Variants in WDPCP observed in about 807,000 individuals in gnomAD.
WDPCP encodes WD repeat-containing and planar cell polarity effector protein fritz homolog.
A neutral mutation model predicts 93.1 loss-of-function variants in WDPCP; 71 were observed. The observed-to-expected ratio is 0.76, with a 90% CI of 0.63 to 0.93. The LOEUF (loss-of-function observed/expected upper bound fraction) is 0.93. WDPCP is among the 40% of genes least tolerant of loss of function. The pLI is 0.00. For synonymous variants in WDPCP, 315 were observed against 315.0 expected (o/e 1.00, Z 0.00); for missense variants, 844 against 887.4 (o/e 0.95, Z 0.62).
chr2:63,258,370 T>C (rs1038648329), intron 14 of WDPCP, among the ~76,000 whole-genome samples: 1 of 152,188 alleles, frequency 6.6e-6, no homozygotes, highest in Non-Finnish European at 1.5e-5. Flanking sequence ...GGTTTAGAGC[T>C]ACCCTGCTGG....
chr2:63,714,885 A>G (rs1669312717), intron 2 of WDPCP, among the ~76,000 whole-genome samples: 1 of 147,230 alleles, frequency 6.8e-6, no homozygotes, highest in East Asian at 1.9e-4. Context: ...ATAGCAGCAC[A>G]TTCACAATAG....
At chr2:63,779,772 G>A (rs1670361763) in intron 2 of WDPCP, among the ~76,000 whole-genome samples, 1 of 152,086 alleles carries the variant, frequency 6.6e-6, no homozygotes, top group South Asian at 2.1e-4. Flanking sequence ...CACTTTCTCA[G>A]ATGGGCTGAA....
intron 2 of WDPCP, among the ~76,000 whole-genome samples, chr2:63,690,527 G>T (rs1458799722): frequency 1.3e-5 from 2 of 152,074 alleles, no homozygotes; most frequent in African/African-American, 4.8e-5. Flanking sequence ...GCTGAAATGG[G>T]CAGATCGCTT....
At chr2:63,362,276 G>GTT (rs1558519423) in intron 12 of WDPCP, among the ~76,000 whole-genome samples, 1 of 8,140 alleles carries the variant, frequency 1.2e-4, no homozygotes, top group Non-Finnish European at 1.6e-4. Context: ...TTTTTTTTTG[G>GTT]TTGTGTGTGT....
chr2:63,146,460 A>G (rs558269196), intron 17 of WDPCP, among the ~76,000 whole-genome samples: 182 of 145,756 alleles, frequency 1.2e-3, no homozygotes, highest in Non-Finnish European at 2.0e-3. Context: ...GCTGGAGTGC[A>G]GTCGTGCAGT....
At chr2:63,481,730 G>C (rs1038057614) in intron 6 of WDPCP, among the ~76,000 whole-genome samples, 2 of 151,656 alleles carry the variant, frequency 1.3e-5, no homozygotes, top group Non-Finnish European at 2.9e-5. Context: ...TGGACTTTGG[G>C]GACTCACAGG....
the WDPCP span, among the ~76,000 whole-genome samples, chr2:63,833,011 G>C: frequency 2.6e-5 from 4 of 152,166 alleles, no homozygotes; most frequent in Non-Finnish European, 5.9e-5. Context: ...CCAGCACTTT[G>C]GGAGGCCAAG....
chr2:63,127,662 CATATATATATATAT>C (rs67091232), intron 17 of WDPCP, among the ~76,000 whole-genome samples: 28 of 131,708 alleles, frequency 2.1e-4, no homozygotes, highest in South Asian at 9.9e-4. Flanking sequence ...TGTGTATGTG[CATATATATATATAT>C]ATATATATAT....
At chr2:63,605,269 C>T in intron 3 of WDPCP, 1 of 1,576,602 alleles carries the variant, frequency 6.3e-7, no homozygotes, top group Non-Finnish European at 8.7e-7. Context: ...CTTCACCTGC[C>T]CCCTTCCCAG....
At chr2:63,322,636 T>A (rs938127184) in intron 12 of WDPCP, among the ~76,000 whole-genome samples, 2 of 151,988 alleles carry the variant, frequency 1.3e-5, no homozygotes, top group Non-Finnish European at 2.9e-5. Context: ...AGTCTGGACA[T>A]GTCTGAACAT....
intron 1 of WDPCP, among the ~76,000 whole-genome samples, chr2:63,527,087 C>G (rs1703394161): frequency 6.6e-6 from 1 of 152,088 alleles, no homozygotes; most frequent in East Asian, 1.9e-4. Context: ...TTTTGAGGTG[C>G]TGGACAATAA....
At chr2:63,574,240 C>T (rs531624812) in intron 1 of WDPCP, among the ~76,000 whole-genome samples, 8 of 152,258 alleles carry the variant, frequency 5.3e-5, no homozygotes, top group African/African-American at 1.7e-4. Context: ...GGGGGCATCA[C>T]GGAAGCTGCC....
chr2:63,265,639 G>A (rs941808356), intron 13 of WDPCP, among the ~76,000 whole-genome samples: 4 of 152,154 alleles, frequency 2.6e-5, no homozygotes, highest in Non-Finnish European at 5.9e-5. Flanking sequence ...AAACTGAAGA[G>A]GACGTACTTC....
intron 3 of WDPCP, among the ~76,000 whole-genome samples, chr2:63,612,980 G>T (rs190570600): frequency 6.8e-6 from 1 of 147,610 alleles, no homozygotes; most frequent in Non-Finnish European, 1.5e-5. Flanking sequence ...ATTATAATGT[G>T]GCCTCAAGTG....
At chr2:63,326,632 GAC>G (rs1273065142) in intron 12 of WDPCP, among the ~76,000 whole-genome samples, 1 of 150,524 alleles carries the variant, frequency 6.6e-6, no homozygotes, top group Non-Finnish European at 1.5e-5. Context: ...GAGACAGAGA[GAC>G]AGAGAGAGAG....
intron 3 of WDPCP, among the ~76,000 whole-genome samples, chr2:63,618,666 G>T (rs571276336): frequency 7.9e-5 from 12 of 151,614 alleles, no homozygotes; most frequent in Middle Eastern, 6.8e-3. Flanking sequence ...ACTTTTGATA[G>T]AAGGATAGAA....
chr2:63,611,514 T>C (rs1183851701), intron 3 of WDPCP, among the ~76,000 whole-genome samples: 1 of 152,164 alleles, frequency 6.6e-6, no homozygotes, highest in East Asian at 1.9e-4. Context: ...GAAAAATATA[T>C]TAGAAAGTAC....
In WDPCP at chr2:63,298,261, G is replaced by A. The variant is rs546506833; in HGVS notation, c.1812+14987C>T. Among the ~76,000 whole-genome samples the A allele has an allele frequency of 7.9e-5, 12 of 152,170 alleles. No homozygotes were observed. In the South Asian group the frequency reaches 2.3e-3, roughly 29 times the overall value. ...TACTGCCACCCAGCCACATATCTTT[G>A]GTTATTTGAAGGGATCGGTTACATT... On this transcript the variant is annotated intron_variant, in intron 13 of 17. Coordinates refer to ENST00000272321, the MANE Select transcript of WDPCP (RefSeq NM_015910.7).
At chr2:63,408,227 G>T (rs567838964) in intron 9 of WDPCP, among the ~76,000 whole-genome samples, 1 of 152,152 alleles carries the variant, frequency 6.6e-6, no homozygotes, top group African/African-American at 2.4e-5. Flanking sequence ...GACTGCTCCT[G>T]CAGGACCCAG....
Sources: gnomAD v4.1 joint callset for allele counts (sites outside exome capture counted in the v4.1 genomes callset) on GRCh38, gnomAD v4.1.1 for gene constraint, MANE v1.5 for transcripts, NCBI Gene and HGNC (gene_info 2026-07-23, HGNC 2026-07-21) for gene names.